SGIP1: variants seen among roughly 807,000 people sequenced by gnomAD.
The protein encoded by SGIP1 is SH3GL interacting endocytic adaptor 1.
A neutral mutation model predicts 107.5 loss-of-function variants in SGIP1; 38 were observed. The ratio of observed to expected loss-of-function variants is 0.35; its 90% CI spans 0.27 to 0.46. The LOEUF (loss-of-function observed/expected upper bound fraction) is 0.46. Among genes scored for constraint, SGIP1 ranks in the 20% least tolerant of loss-of-function variants. The pLI is 1.00. For synonymous variants in SGIP1, 365 were observed against 366.1 expected (o/e 1.00, Z 0.03); for missense variants, 929 against 1,019.5 (o/e 0.91, Z 1.21).
At chr1:66,602,906 AAATTAAGCCCTC>A (rs1406810198) in intron 1 of SGIP1, among the ~76,000 whole-genome samples, 1 of 152,204 alleles carries the variant, frequency 6.6e-6, no homozygotes, top group Non-Finnish European at 1.5e-5. Context: ...AAATGTTAGG[AAATTAAGCCCTC>A]AATTAAAACT....
chr1:66,613,459 A>G (rs2068480484), intron 1 of SGIP1, among the ~76,000 whole-genome samples: 1 of 152,126 alleles, frequency 6.6e-6, no homozygotes. Context: ...CCTCCCAAGT[A>G]GTTGGGGTTA....
intron 18 of SGIP1, among the ~76,000 whole-genome samples, chr1:66,705,845 G>GCT (rs2092455447): frequency 2.0e-5 from 3 of 152,034 alleles, no homozygotes; most frequent in Non-Finnish European, 2.9e-5. Context: ...ACAGGGAGGG[G>GCT]AACAACACAC....
intron 8 of SGIP1, among the ~76,000 whole-genome samples, chr1:66,663,446 C>T (rs1408767037): frequency 6.6e-6 from 1 of 152,048 alleles, no homozygotes; most frequent in Non-Finnish European, 1.5e-5. Context: ...GGAAAAGACC[C>T]TTCCCTCCTG....
chr1:66,626,958 G>T (rs1025640928), intron 2 of SGIP1, among the ~76,000 whole-genome samples: 1 of 152,052 alleles, frequency 6.6e-6, no homozygotes, highest in Admixed American at 6.6e-5. Context: ...CGTAAATTTT[G>T]TCACAAGATC....
rs1009868134 is a variant in SGIP1 at position 66,749,361 on chromosome 1, CTT to C, written c.*6268_*6269del. On this transcript the variant is annotated 3_prime_UTR_variant, in exon 25 of 25. Coordinates refer to ENST00000371037, the MANE Select transcript of SGIP1 (RefSeq NM_032291.4). ...CTTGTCAGAAATTATATTAAAAACA[CTT>C]TGGGGAAAGCTAAGAGCAGTGCACT... 1.3e-5 allele frequency among the ~76,000 whole-genome samples: 2 copies of C among 151,662 alleles called. No homozygotes were observed. The highest frequency in any genetic ancestry group is 2.9e-5 in the Non-Finnish European group (2 of 67,856).
At chr1:66,693,147 C>T (rs1022653840) in intron 17 of SGIP1, among the ~76,000 whole-genome samples, 12 of 151,622 alleles carry the variant, frequency 7.9e-5, no homozygotes, top group Non-Finnish European at 1.5e-4. Flanking sequence ...TGGTGGTGTG[C>T]GGTGGTAATC....
At chr1:66,740,821 C>A in intron 23 of SGIP1, 99 bp downstream of exon 23, 1 of 726,714 alleles carries the variant, frequency 1.4e-6, no homozygotes, top group Non-Finnish European at 2.3e-6. Flanking sequence ...TAAAAACAAG[C>A]AGAATATTTC....
intron 1 of SGIP1, among the ~76,000 whole-genome samples, chr1:66,592,479 C>T (rs1217916389): frequency 6.6e-6 from 1 of 152,198 alleles, no homozygotes; most frequent in Non-Finnish European, 1.5e-5. Flanking sequence ...TAGTACAGAA[C>T]AAAATGGAGT....
Position 66,643,713 on chromosome 1 carries a change from A to C in SGIP1, c.453A>C (p.Ser151=). The C allele has an allele frequency of 6.2e-7, 1 of 1,605,960 alleles. No individual in the cohort carries two copies. Among genetic ancestry groups the C allele is most frequent in the Admixed American group, 1.7e-5 (1 of 58,610 alleles). The change falls in exon 7 of 25, where the codon TCA becomes TCC. Residue 151 remains serine (S), a synonymous_variant. Coordinates refer to ENST00000371037, the MANE Select transcript of SGIP1 (RefSeq NM_032291.4). The part of the protein sequence containing the change: ...ASIGNIALSP[S]PVRKSPRRSP... ...TAGGCAACATCGCACTTTCCCCATC[A>C]CCAGTGGTGAGTGTTGTGTGTGTGT...
rs376663985 is a variant in SGIP1 at position 66,571,979 on chromosome 1, C to A, written c.10+37611C>A. Among the ~76,000 whole-genome samples the A allele has an allele frequency of 9.2e-5, 14 of 152,122 alleles. No individual in the cohort carries two copies. The East Asian group carries it at 2.1e-3, about 23-fold the overall frequency. ...ATTAGTCATTTTCTTCAAGCTGCTT[C>A]TTTTTCTATGACTCACTTACAGGAT... On this transcript the variant is annotated intron_variant, in intron 1 of 24. Transcript: ENST00000371037.
At position 66,638,594 on chromosome 1, in the gene SGIP1, A is replaced by C. The variant is rs1246710698; in HGVS notation, c.172-1183A>C. Among the ~76,000 whole-genome samples, 15 of 152,170 alleles carry C rather than the reference A, an allele frequency of 9.9e-5. 1 individual carries two copies. Among genetic ancestry groups the C allele is most frequent in the Admixed American group, 9.8e-4 (15 of 15,260 alleles). On this transcript the variant is annotated intron_variant, in intron 4 of 24. Coordinates refer to ENST00000371037, the MANE Select transcript of SGIP1 (RefSeq NM_032291.4). ...GGTAGTATATTGGAAGAAAGAGGGG[A>C]TGAACACATTATCTATTTCTTGTGC...
intron 3 of SGIP1, among the ~76,000 whole-genome samples, chr1:66,633,732 C>T (rs935554179): frequency 2.0e-5 from 3 of 151,842 alleles, no homozygotes; most frequent in East Asian, 1.9e-4. Context: ...GAGTCTGCAC[C>T]GACTCCTAAA....
At chr1:66,660,029 A>G (rs2080797609) in intron 7 of SGIP1, 1 of 137,316 alleles carries the variant, frequency 7.3e-6, no homozygotes, top group Non-Finnish European at 1.3e-5. Flanking sequence ...GAAGGAAGGA[A>G]GGAAGGAAGG....
chr1:66,723,858 A>C (rs576096962), intron 19 of SGIP1, among the ~76,000 whole-genome samples: 12 of 152,220 alleles, frequency 7.9e-5, no homozygotes, highest in Non-Finnish European at 1.5e-4. Context: ...TGTGCGTGAA[A>C]CTGCAACATA....
chr1:66,624,118 G>A (rs542273446), intron 1 of SGIP1, among the ~76,000 whole-genome samples: 15 of 150,926 alleles, frequency 9.9e-5, no homozygotes, highest in Admixed American at 9.3e-4. Context: ...GATGATAATA[G>A]CATTGGTTTT....
chr1:66,660,211 GAA>G (rs1319027815), intron 7 of SGIP1: 28 of 211,384 alleles, frequency 1.3e-4, no homozygotes, highest in South Asian at 3.4e-4. Flanking sequence ...AAGAAAGAAA[GAA>G]AGAGAAAGAA....
At chr1:66,595,145 C>T (rs2064377757) in intron 1 of SGIP1, among the ~76,000 whole-genome samples, 1 of 152,184 alleles carries the variant, frequency 6.6e-6, no homozygotes, top group South Asian at 2.1e-4. Context: ...TGCTAAATAT[C>T]GTTTTCATAC....
chr1:66,713,681 A>C (rs1316474794), intron 18 of SGIP1, among the ~76,000 whole-genome samples: 2 of 152,170 alleles, frequency 1.3e-5, no homozygotes, highest in East Asian at 3.8e-4. Flanking sequence ...TATGCCTCAT[A>C]CATTTCTCTG....
chr1:66,538,476 T>C (rs2054133806), intron 1 of SGIP1, among the ~76,000 whole-genome samples: 1 of 152,184 alleles, frequency 6.6e-6, no homozygotes, highest in African/African-American at 2.4e-5. Context: ...ATCTTTATAC[T>C]TCTAAAAAGA....
Sources: gnomAD v4.1 joint callset for allele counts (sites outside exome capture counted in the v4.1 genomes callset) on GRCh38, gnomAD v4.1.1 for gene constraint, MANE v1.5 for transcripts, NCBI Gene and HGNC (gene_info 2026-07-23, HGNC 2026-07-21) for gene names.